AGBL4: variants seen among roughly 807,000 people sequenced by gnomAD.
The protein encoded by AGBL4 is AGBL carboxypeptidase 4, also known as cytosolic carboxypeptidase 6.
Under a neutral mutation model 66.4 loss-of-function variants are expected in AGBL4, and 58 were observed. The observed-to-expected ratio is 0.87, with a 90% CI of 0.71 to 1.09. AGBL4 has a LOEUF of 1.09. AGBL4 is among the 50% of genes least tolerant of loss of function. The pLI is 0.00. For missense variants in AGBL4, 579 were observed against 631.0 expected, an observed-to-expected ratio of 0.92 and a Z score of 0.88; for synonymous variants, 234 against 222.9, an observed-to-expected ratio of 1.05 and a Z score of -0.44.
At chr1:49,257,461 A>T (rs550736903) in intron 3 of AGBL4, 1 of 154,556 alleles carries the variant, frequency 6.5e-6, no homozygotes, top group East Asian at 1.9e-4. Context: ...CCGTGAGCAT[A>T]GGACTCTCCT....
rs75115622 is a variant in AGBL4, at chr1:49,147,254, G to A, written c.377+98516C>T. 8.4e-3 allele frequency among the ~76,000 whole-genome samples: 1,275 copies of A among 152,216 alleles called. 11 individuals carry two copies. Among genetic ancestry groups the A allele is most frequent in the Non-Finnish European group, 0.014 (920 of 67,992 alleles). ...GTCAGACAGTTTAAATGACTGTCCC[G>A]AAATCATACAAATAGAAATAGAAAG... On this transcript the variant is annotated intron_variant, in intron 4 of 13. Coordinates refer to ENST00000371839, the MANE Select transcript of AGBL4 (RefSeq NM_032785.4).
intron 1 of AGBL4, chr1:49,994,918 A>G (rs1159459055): frequency 8.5e-6 from 3 of 353,310 alleles, no homozygotes; most frequent in Non-Finnish European, 1.1e-5. Context: ...CCTTTCCTGG[A>G]GCTGAGACAA....
At chr1:50,006,876 G>A (rs1661168259) in intron 1 of AGBL4, among the ~76,000 whole-genome samples, 1 of 152,098 alleles carries the variant, frequency 6.6e-6, no homozygotes, top group Admixed American at 6.5e-5. Context: ...AGAAATCATT[G>A]GAACATACAA....
intron 5 of AGBL4, among the ~76,000 whole-genome samples, chr1:48,921,768 T>C (rs755676378): frequency 6.6e-6 from 1 of 152,196 alleles, no homozygotes; most frequent in South Asian, 2.1e-4. Flanking sequence ...TTATACATAA[T>C]GGTAGAGCCA....
chr1:49,558,808 C>T (rs975975911), intron 3 of AGBL4, among the ~76,000 whole-genome samples: 2 of 152,162 alleles, frequency 1.3e-5, no homozygotes, highest in African/African-American at 2.4e-5. Context: ...TCTGGCAGTA[C>T]TCTCCATAGT....
Position 48,627,346 on chromosome 1 carries a change from C to T in AGBL4, c.951+7147G>A, listed in dbSNP as rs373718701. Among the ~76,000 whole-genome samples the T allele has an allele frequency of 5.3e-5, 8 of 151,910 alleles. No individual in the cohort carries two copies. In the East Asian group the frequency reaches 9.7e-4, roughly 18 times the overall value. Reference sequence around the variant, plus strand: ...TACCATGTTTATGTTTTTATGTATACGTATTTTCTGTTTGATATTTGTGAA... The same window carrying T: ...TACCATGTTTATGTTTTTATGTATATGTATTTTCTGTTTGATATTTGTGAA... On this transcript the variant is annotated intron_variant, in intron 9 of 13. Transcript: ENST00000371839.
intron 8 of AGBL4, 50 bp downstream of exon 8, chr1:48,653,287 A>G (rs1645961977): frequency 2.1e-6 from 3 of 1,396,890 alleles, no homozygotes; most frequent in African/African-American, 1.5e-5. Context: ...TTGCTTCCAT[A>G]CTACCATCCT....
intron 2 of AGBL4, among the ~76,000 whole-genome samples, chr1:49,814,011 C>G (rs1645171724): frequency 6.6e-6 from 1 of 152,138 alleles, no homozygotes. Flanking sequence ...CACATGCTTT[C>G]TTGCCTGCTG....
intron 3 of AGBL4, among the ~76,000 whole-genome samples, chr1:49,483,321 C>G (rs1192891693): frequency 6.6e-6 from 1 of 151,914 alleles, no homozygotes; most frequent in Non-Finnish European, 1.5e-5. Flanking sequence ...ATGCAAGACA[C>G]TGAACAAGAC....
intron 4 of AGBL4, among the ~76,000 whole-genome samples, chr1:49,234,457 T>C (rs1650560473): frequency 1.3e-5 from 2 of 152,182 alleles, no homozygotes; most frequent in South Asian, 2.1e-4. Context: ...TGAGAACATA[T>C]TTCAGGCATA....
At chr1:49,300,421 T>C (rs1244114264) in intron 3 of AGBL4, among the ~76,000 whole-genome samples, 1 of 152,202 alleles carries the variant, frequency 6.6e-6, no homozygotes, top group Non-Finnish European at 1.5e-5. Flanking sequence ...AGCCTAGATA[T>C]GTGGCATTAA....
At chr1:49,483,243 T>C (rs1646993701) in intron 3 of AGBL4, among the ~76,000 whole-genome samples, 1 of 151,996 alleles carries the variant, frequency 6.6e-6, no homozygotes, top group Non-Finnish European at 1.5e-5. Flanking sequence ...TGTGCAGGGG[T>C]CTAAATCTCT....
At chr1:49,827,214 C>A (rs1263568574) in intron 2 of AGBL4, among the ~76,000 whole-genome samples, 1 of 151,736 alleles carries the variant, frequency 6.6e-6, no homozygotes, top group African/African-American at 2.4e-5. Context: ...ATATCAGTAG[C>A]AATGAAATTT....
chr1:49,593,840 C>T lies in AGBL4; in HGVS notation c.282+103473G>A, dbSNP rs1451260666. Among the ~76,000 whole-genome samples, 5 of 151,762 alleles carry T rather than the reference C, an allele frequency of 3.3e-5. No individual in the cohort carries two copies. The South Asian group carries it at 6.2e-4, about 19-fold the overall frequency. ...AAATATTAGGTATTATTATTCTCTA[C>T]AAAATAACATGTTCGGTGAAAAAAA... On this transcript the variant is annotated intron_variant, in intron 3 of 13. Transcript: ENST00000371839.
chr1:49,337,658 C>G (rs1557851326), intron 3 of AGBL4, among the ~76,000 whole-genome samples: 1 of 152,110 alleles, frequency 6.6e-6, no homozygotes, highest in Non-Finnish European at 1.5e-5. Flanking sequence ...AAAGTGAATC[C>G]CCCAGGGCAG....
intron 3 of AGBL4, among the ~76,000 whole-genome samples, chr1:49,491,464 A>G (rs4926814): frequency 0.4 from 61,062 of 151,730 alleles, 15,780 homozygotes; most frequent in Non-Finnish European, 0.57. Flanking sequence ...TTAAGCACCT[A>G]GAAAGCTGCA....
chr1:48,685,976 T>C lies in AGBL4; in HGVS notation c.635-22735A>G, dbSNP rs550642337. Among the ~76,000 whole-genome samples, 3 of 152,374 alleles carry C rather than the reference T, an allele frequency of 2.0e-5. No homozygotes were observed. In the South Asian group the frequency reaches 6.2e-4, roughly 32 times the overall value. The stretch of plus-strand genomic sequence containing the variant: ...AAAGCCCTCTGAGTTAGGCTTGTTG[T>C]TGCCCCCATTTTAGAGATGAGAAAA... On this transcript the variant is annotated intron_variant, in intron 6 of 13. Transcript: ENST00000371839.
intron 3 of AGBL4, among the ~76,000 whole-genome samples, chr1:49,334,392 C>T (rs554828263): frequency 2.6e-5 from 4 of 152,194 alleles, no homozygotes; most frequent in East Asian, 3.9e-4. Context: ...AATATTCATA[C>T]GCATTGACTC....
intron 4 of AGBL4, among the ~76,000 whole-genome samples, chr1:49,142,348 A>C (rs1415011546): frequency 1.3e-5 from 2 of 152,092 alleles, no homozygotes; most frequent in East Asian, 1.9e-4. Flanking sequence ...TCAAAAAAAA[A>C]CTCAACATAT....
Sources: allele counts gnomAD v4.1 joint callset (sites outside exome capture counted in the v4.1 genomes callset), GRCh38; gene constraint gnomAD v4.1.1; transcripts MANE v1.5; gene names NCBI Gene and HGNC (gene_info 2026-07-23, HGNC 2026-07-21).